TDRD6: variants seen among roughly 807,000 people sequenced by gnomAD.
TDRD6 encodes tudor domain containing 6, also known as tudor domain-containing protein 6.
Under a neutral mutation model 157.5 loss-of-function variants are expected in TDRD6, and 186 were observed. The ratio of observed to expected loss-of-function variants is 1.18; its 90% confidence interval spans 1.05 to 1.33. The LOEUF is 1.33. TDRD6 is among the 40% of genes most tolerant of loss of function. The pLI is 0.00. For missense variants in TDRD6, 3,066 were observed against 2,508.0 expected (o/e 1.22, Z -4.75); for synonymous variants, 1,075 against 945.2 (o/e 1.14, Z -2.52).
Position 46,688,036 on chromosome 6 carries a change from G to T in TDRD6, c.-93G>T, listed in dbSNP as rs1764153505. ...CACTGGGTCCTTTGAACCTAGTTTG[G>T]CTGGGACTCGCCTTCAGGCGGCGCG... On this transcript the variant is annotated 5_prime_UTR_variant, in exon 1 of 4. Coordinates refer to ENST00000316081, the MANE Select transcript of TDRD6 (RefSeq NM_001010870.3). 7.2e-7 allele frequency: 1 copy of T among 1,388,444 alleles called. No individual in the cohort carries two copies. Among genetic ancestry groups the T allele is most frequent in the Non-Finnish European group, 9.3e-7 (1 of 1,079,294 alleles). The allele number at this position is 1,388,444 out of a possible 1,614,324, so 86.0% of individuals were successfully genotyped here. A position where few individuals can be genotyped will look rare whatever the true frequency, so the allele number is the denominator to read the frequency against.
At position 46,688,166 on chromosome 6, in the gene TDRD6, C is replaced by CGCT. The variant is rs1299325700; in HGVS notation, c.40_42dup (p.Leu14dup). 11 of 1,546,830 alleles carry CGCT rather than the reference C, an allele frequency of 7.1e-6. No homozygotes were observed. Among genetic ancestry groups the CGCT allele is most frequent in the Non-Finnish European group, 9.5e-6 (11 of 1,152,930 alleles). On this transcript the variant is annotated inframe_insertion, in exon 1 of 4. Transcript: ENST00000316081. ...CCCGGAATGCCGGCGCCGGGGGCCT[C>CGCT]GCTGGCCCTGCGGGTGTCCTTCGTG...
chr6:46,701,878 G>C lies in TDRD6; in HGVS notation c.6282G>C (p.Met2094Ile), dbSNP rs143747390. 6.2e-7 allele frequency: 1 copy of C among 1,612,692 alleles called. No homozygotes were observed. Among genetic ancestry groups the C allele is most frequent in the African/African-American group, 1.3e-5 (1 of 74,874 alleles). Reference protein sequence around the residue: ...SPPEKRGLEVMEI With the variant: ...SPPEKRGLEVIEI ...TTCAGAAAAGGGGTTTGGAGGTGATGGAGATTTAACCGTGGATCTATAGCT... is the reference window on the plus strand; with the variant it reads ...TTCAGAAAAGGGGTTTGGAGGTGATCGAGATTTAACCGTGGATCTATAGCT... Residue 2094 changes from methionine to isoleucine, a missense_variant, in exon 4 of 4, where the codon ATG (methionine) becomes ATC (isoleucine). By Grantham distance (10) the Met-to-Ile change is conservative. Coordinates refer to ENST00000316081, the MANE Select transcript of TDRD6 (RefSeq NM_001010870.3).
the TDRD6 span, chr6:46,681,521 C>CA: frequency 3.2e-5 from 15 of 470,642 alleles, no homozygotes; most frequent in Non-Finnish European, 6.6e-5. Flanking sequence ...ACTTTACCCC[C>CA]AACAGGCTGC....
Position 46,689,898 on chromosome 6 carries a change from T to G in TDRD6, c.1770T>G (p.Phe590Leu), listed in dbSNP as rs1182032699. Residue 590 changes from phenylalanine to leucine, a missense_variant, in exon 1 of 4, where the codon TTT becomes TTG. Physicochemically the swap from Phe to Leu is conservative, Grantham distance 22. Transcript: ENST00000316081. Reference protein sequence around the residue: ...WYDVRMLLPQFRQLPILAVKC... With the variant: ...WYDVRMLLPQLRQLPILAVKC... ...ACGTAAGGATGCTGCTTCCTCAGTT[T>G]AGGCAGCTACCAATATTGGCTGTGA... The G allele has an allele frequency of 1.2e-6, 2 of 1,614,194 alleles. No homozygotes were observed. Among genetic ancestry groups the G allele is most frequent in the South Asian group, 1.1e-5 (1 of 91,082 alleles).
upstream of TDRD6, among the ~76,000 whole-genome samples, chr6:46,684,210 A>G (rs1160675200): frequency 6.6e-6 from 1 of 152,168 alleles, no homozygotes; most frequent in African/African-American, 2.4e-5. Flanking sequence ...AATTTTTAAA[A>G]GCTTTTTATT....
chr6:46,686,343 ATTTACTGGAT>A (rs967052875), upstream of TDRD6, among the ~76,000 whole-genome samples: 4 of 152,168 alleles, frequency 2.6e-5, no homozygotes, highest in African/African-American at 9.7e-5. Context: ...TCTTGTTAAG[ATTTACTGGAT>A]GCTAACAGTC....
At position 46,689,374 on chromosome 6, in the gene TDRD6, G is replaced by A; in HGVS notation, c.1246G>A (p.Glu416Lys). 1 of 1,613,984 alleles carries A rather than the reference G, an allele frequency of 6.2e-7. No homozygotes were observed. Among genetic ancestry groups the A allele is most frequent in the South Asian group, 1.1e-5 (1 of 91,074 alleles). The change falls in exon 1 of 4, where the codon GAG (glutamate) becomes AAG (lysine). Residue 416 changes from glutamate (E) to lysine (K), a missense_variant. Glu to Lys is a moderately conservative substitution (Grantham distance 56). Coordinates refer to ENST00000316081, the MANE Select transcript of TDRD6 (RefSeq NM_001010870.3). The part of the protein sequence containing the change: ...NAKIEFYCSF[E>K]HVYYVSLYGE... ...AAAGATTGAATTTTATTGCTCCTTT[G>A]AGCATGTGTATTATGTCAGCCTGTA...
Position 46,692,634 on chromosome 6 carries a change from A to G in TDRD6, c.4506A>G (p.Lys1502=). 6.2e-7 allele frequency: 1 copy of G among 1,613,412 alleles called. No homozygotes were observed. ...IKSASSKSVN[K]SDIDTSVFLN... is the part of the protein sequence containing the mutation. Reference sequence around the variant, plus strand: ...GTGCCAGTTCAAAGTCTGTTAACAAATCAGACATTGACACTTCAGTATTTC... The same window carrying G: ...GTGCCAGTTCAAAGTCTGTTAACAAGTCAGACATTGACACTTCAGTATTTC... Residue 1502 remains lysine (K), a synonymous_variant, in exon 1 of 4, where the codon AAA becomes AAG. Transcript: ENST00000316081.
chr6:46,696,985 C>T (rs1286261786), intron 2 of TDRD6, among the ~76,000 whole-genome samples: 1 of 151,898 alleles, frequency 6.6e-6, no homozygotes, highest in Non-Finnish European at 1.5e-5. Flanking sequence ...GTTAGGATTC[C>T]AGAATATGCA....
upstream of TDRD6, chr6:46,687,774 G>C: frequency 4.3e-6 from 1 of 230,674 alleles, no homozygotes; most frequent in Non-Finnish European, 8.4e-6. Context: ...GGGGTCTCCT[G>C]AACGTCCCAA....
chr6:46,683,873 T>C (rs1292225355), upstream of TDRD6, among the ~76,000 whole-genome samples: 2 of 152,144 alleles, frequency 1.3e-5, no homozygotes, highest in Non-Finnish European at 2.9e-5. Flanking sequence ...AACATGGACT[T>C]TCAAAATCTA....
In TDRD6 at chr6:46,693,272, A is replaced by G; in HGVS notation, c.5144A>G (p.Glu1715Gly). ...SALPYENIDS[E>G]IKQTLGSYNL... ...CTTCCCTATGAAAATATTGACTCAG[A>G]GATAAAGCAGACTCTTGGGTCCTAC... The change falls in exon 1 of 4, where the codon GAG becomes GGG. Residue 1715 changes from glutamate to glycine, a missense_variant. Coordinates refer to ENST00000316081, the MANE Select transcript of TDRD6 (RefSeq NM_001010870.3). 6.2e-7 allele frequency: 1 copy of G among 1,613,642 alleles called. No individual in the cohort carries two copies. The highest frequency in any genetic ancestry group is 8.5e-7 in the Non-Finnish European group (1 of 1,179,882).
In TDRD6 at chr6:46,701,875, G is replaced by GAT. The variant is rs1357706146; in HGVS notation, c.6280_6281dup (p.Met2094IlefsTer32). On this transcript the variant is annotated frameshift_variant, in exon 4 of 4. Coordinates refer to ENST00000316081, the MANE Select transcript of TDRD6 (RefSeq NM_001010870.3). LOFTEE classifies it high-confidence loss of function. Reference sequence around the variant, plus strand: ...TGTTTCAGAAAAGGGGTTTGGAGGTGATGGAGATTTAACCGTGGATCTATA... The same window carrying GAT: ...TGTTTCAGAAAAGGGGTTTGGAGGTGATATGGAGATTTAACCGTGGATCTATA... The GAT allele has an allele frequency of 6.2e-7, 1 of 1,612,892 alleles. No homozygotes were observed. Among genetic ancestry groups the GAT allele is most frequent in the Middle Eastern group, 1.7e-4 (1 of 6,056 alleles).
chr6:46,689,338 G>C lies in TDRD6; in HGVS notation c.1210G>C (p.Ala404Pro). 6.2e-7 allele frequency: 1 copy of C among 1,614,162 alleles called. No individual in the cohort carries two copies. Among genetic ancestry groups the C allele is most frequent in the Non-Finnish European group, 8.5e-7 (1 of 1,180,030 alleles). The change falls in exon 1 of 4, where the codon GCA becomes CCA. Residue 404 changes from alanine to proline, a missense_variant. Ala to Pro is a conservative substitution (Grantham distance 27, BLOSUM62 -1). Coordinates refer to ENST00000316081, the MANE Select transcript of TDRD6 (RefSeq NM_001010870.3). The stretch of plus-strand genomic sequence containing the variant: ...CCTGAAGACACTGATACTAGGCAAG[G>C]CAGTGAATGCAAAGATTGAATTTTA... ...GDLKTLILGK[A>P]VNAKIEFYCS...
chr6:46,683,075 T>C (rs1764000359), upstream of TDRD6, among the ~76,000 whole-genome samples: 1 of 151,974 alleles, frequency 6.6e-6, no homozygotes, highest in African/African-American at 2.4e-5. Context: ...TTAAGCAGTT[T>C]AGAAAACAAT....
At chr6:46,686,757 G>A (rs905808847), upstream of TDRD6, among the ~76,000 whole-genome samples, 2 of 152,168 alleles carry the variant, frequency 1.3e-5, no homozygotes, top group African/African-American at 2.4e-5. Context: ...GCTAGATTCC[G>A]AGAATCCAAC....
the TDRD6 span, chr6:46,681,713 G>A: frequency 2.5e-6 from 1 of 393,462 alleles, no homozygotes; most frequent in Non-Finnish European, 5.3e-6. Flanking sequence ...GTTATCACGG[G>A]TTTTGTTTTG....
At chr6:46,701,801 A>C (rs940252916) in intron 3 of TDRD6, 57 bp from the exon 4 acceptor site, 8 of 1,592,168 alleles carry the variant, frequency 5.0e-6, no homozygotes, top group East Asian at 2.2e-5. Flanking sequence ...CATGGAAATA[A>C]ATTTTTTTGT....
Position 46,690,758 on chromosome 6 carries a change from C to T in TDRD6, c.2630C>T (p.Ala877Val), listed in dbSNP as rs777157755. 1.6e-5 allele frequency: 26 copies of T among 1,614,122 alleles called. No individual in the cohort carries two copies. The highest frequency in any genetic ancestry group is 2.2e-5 in the Non-Finnish European group (26 of 1,180,010). The stretch of plus-strand genomic sequence containing the variant: ...AGTGAAGAATTTCTGAAGGTTAAGG[C>T]ACAGGCTTTTAGGTGCAGTCTTTAT... ...SISEEFLKVK[A>V]QAFRCSLYNL... The change falls in exon 1 of 4, where the codon GCA becomes GTA. Residue 877 changes from alanine (A) to valine (V), a missense_variant. Transcript: ENST00000316081.
Sources: gnomAD v4.1 joint callset for allele counts (sites outside exome capture counted in the v4.1 genomes callset) on GRCh38, gnomAD v4.1.1 for gene constraint, MANE v1.5 for transcripts, NCBI Gene and HGNC (gene_info 2026-07-23, HGNC 2026-07-21) for gene names.